Variants in CPZ observed in about 807,000 individuals in gnomAD.
CPZ encodes carboxypeptidase Z.
CPZ carries 103 observed loss-of-function variants against 61.8 expected under a neutral mutation model. That is an observed-to-expected ratio of 1.67 (90% CI 1.42 to 1.96). The LOEUF is 1.96. Ranked by LOEUF, CPZ falls within the 30% of genes most tolerant of loss-of-function variation. The pLI, the probability that CPZ is intolerant of heterozygous loss-of-function variation, is 0.00. For missense variants in CPZ, 1,461 were observed against 914.9 expected (o/e 1.60, Z -7.70); for synonymous variants, 551 against 373.7 (o/e 1.47, Z -5.47).
intron 8 of CPZ, among the ~76,000 whole-genome samples, chr4:8,613,134 T>C (rs1228552633): frequency 1.9e-5 from 1 of 52,750 alleles, no homozygotes; most frequent in Admixed American, 1.6e-4. Flanking sequence ...TCTCTGTTCC[T>C]TTTTTTTTTT....
intron 3 of CPZ, 50 bp downstream of exon 3, chr4:8,601,547 A>T: frequency 7.0e-7 from 1 of 1,420,626 alleles, no homozygotes; most frequent in Non-Finnish European, 9.2e-7. Context: ...CAGGTGGTCA[A>T]GGAGGACCAA....
At chr4:8,605,594 T>TC (rs1365674019) in intron 4 of CPZ, among the ~76,000 whole-genome samples, 113 of 104,482 alleles carry the variant, frequency 1.1e-3, no homozygotes, top group South Asian at 8.1e-3. Context: ...CAGCCAGCCA[T>TC]TATTCATCCA....
intron 9 of CPZ, among the ~76,000 whole-genome samples, chr4:8,616,954 A>G (rs1055173816): frequency 1.3e-5 from 2 of 152,176 alleles, no homozygotes; most frequent in East Asian, 1.9e-4. Context: ...TGATGTGCTC[A>G]TCATGGATTC....
At chr4:8,612,217 T>TGGGGGGGGGGGGGG in intron 8 of CPZ, 55 bp downstream of exon 8, 1 of 68,040 alleles carries the variant, frequency 1.5e-5, no homozygotes, top group Non-Finnish European at 2.9e-5. Context: ...AGGGGCTGGG[T>TGGGGGGGGGGGGGG]GGGGCAGGGG....
At chr4:8,601,641 G>A in intron 3 of CPZ, 144 bp downstream of exon 3, 1 of 905,190 alleles carries the variant, frequency 1.1e-6, no homozygotes, top group South Asian at 2.4e-5. Context: ...GCTCCCCGAG[G>A]CAGCATGTTC....
intron 10 of CPZ, 29 bp downstream of exon 10, chr4:8,618,557 G>T (rs778674189): frequency 4.2e-5 from 67 of 1,599,570 alleles, no homozygotes; most frequent in Non-Finnish European, 5.6e-5. Context: ...GTCCCCTGGG[G>T]ACCACGTCTG....
intron 4 of CPZ, among the ~76,000 whole-genome samples, chr4:8,605,318 T>TCCA (rs1254776860): frequency 1.8e-5 from 1 of 54,770 alleles, no homozygotes; most frequent in Non-Finnish European, 4.3e-5. Flanking sequence ...GTCCATTCAT[T>TCCA]TATTCATCCA....
chr4:8,603,613 C>CGTAT, intron 3 of CPZ: 3 of 274,962 alleles, frequency 1.1e-5, no homozygotes, highest in Admixed American at 5.2e-5. Context: ...GAAAACACGC[C>CGTAT]CAGGAAAATC....
At chr4:8,607,197 A>C in intron 6 of CPZ, 70 bp from the exon 7 acceptor site, 1 of 1,529,242 alleles carries the variant, frequency 6.5e-7, no homozygotes, top group South Asian at 1.3e-5. Flanking sequence ...AGGGCTGCTG[A>C]AGCCCAGGGC....
At chr4:8,611,980 G>T in intron 7 of CPZ, 47 bp from the exon 8 acceptor site, 7 of 1,612,438 alleles carry the variant, frequency 4.3e-6, no homozygotes, top group South Asian at 1.1e-5. Context: ...CTCACAGGAC[G>T]TCCTGCAGGG....
intron 7 of CPZ, among the ~76,000 whole-genome samples, chr4:8,608,072 C>G (rs904869464): frequency 6.6e-6 from 1 of 152,046 alleles, no homozygotes; most frequent in African/African-American, 2.4e-5. Context: ...TGGTCCGTTC[C>G]CACACTGTGG....
chr4:8,617,172 C>G (rs151275656), intron 9 of CPZ, among the ~76,000 whole-genome samples: 1 of 152,178 alleles, frequency 6.6e-6, no homozygotes, highest in African/African-American at 2.4e-5. Flanking sequence ...TCGGTCACGG[C>G]GGGGGTCAGC....
At chr4:8,617,992 G>C (rs73213401) in intron 9 of CPZ, 5 of 196,180 alleles carry the variant, frequency 2.5e-5, no homozygotes, top group Middle Eastern at 2.2e-3. Context: ...CGCGCTGCTC[G>C]AGCGAGGGTC....
chr4:8,607,871 C>T (rs1458485619), intron 7 of CPZ, among the ~76,000 whole-genome samples: 5 of 152,314 alleles, frequency 3.3e-5, no homozygotes, highest in Admixed American at 3.3e-4. Context: ...TTCTCACGTG[C>T]TGGGCTCCTC....
At chr4:8,614,614 T>C (rs1299017709) in intron 9 of CPZ, 116 bp downstream of exon 9, 1 of 1,066,284 alleles carries the variant, frequency 9.4e-7, no homozygotes, top group Non-Finnish European at 1.3e-6. Flanking sequence ...CATGCTCCTT[T>C]TGCCACCACT....
At position 8,612,094 on chromosome 4, in the gene CPZ, G is replaced by T. The variant is rs778856137; in HGVS notation, c.1295G>T (p.Arg432Met). The T allele has an allele frequency of 1.2e-6, 2 of 1,613,100 alleles. No homozygotes were observed. Among genetic ancestry groups the T allele is most frequent in the African/African-American group, 2.7e-5 (2 of 74,792 alleles). ...ATGATGATGGACAGGTCGGAGAATAGGTGTGGAGGCAATTTCCTGAAGAGG... is the reference window on the plus strand; with the variant it reads ...ATGATGATGGACAGGTCGGAGAATATGTGTGGAGGCAATTTCCTGAAGAGG... ...HPMMMDRSENRCGGNFLKRGS... is the reference protein window; with the variant it reads ...HPMMMDRSENMCGGNFLKRGS... The change falls in exon 8 of 11, where the codon AGG (arginine) becomes ATG (methionine). Residue 432 changes from arginine to methionine, a missense_variant. Arg to Met is a moderately conservative substitution (Grantham distance 91). Transcript: ENST00000360986.
At chr4:8,610,064 T>A (rs79709924) in intron 7 of CPZ, among the ~76,000 whole-genome samples, 301 of 152,316 alleles carry the variant, frequency 2.0e-3, no homozygotes, top group African/African-American at 6.7e-3. Flanking sequence ...CCAACCCCTT[T>A]CTGGCTTTGC....
chr4:8,609,118 C>CTTCA (rs879349279), intron 7 of CPZ, among the ~76,000 whole-genome samples: 1 of 77,386 alleles, frequency 1.3e-5, no homozygotes, highest in African/African-American at 8.4e-5. Context: ...TTCCTCACTC[C>CTTCA]CTCACTCATT....
chr4:8,611,483 G>T (rs1465925947), intron 7 of CPZ, among the ~76,000 whole-genome samples: 1 of 152,204 alleles, frequency 6.6e-6, no homozygotes, highest in African/African-American at 2.4e-5. Flanking sequence ...GGAAGCTGGA[G>T]GGTGGGGTAG....
Sources: gnomAD v4.1 joint callset for allele counts (sites outside exome capture counted in the v4.1 genomes callset) on GRCh38, gnomAD v4.1.1 for gene constraint, MANE v1.5 for transcripts, NCBI Gene and HGNC (gene_info 2026-07-23, HGNC 2026-07-21) for gene names.